BCAS3: variants seen among roughly 807,000 people sequenced by gnomAD.
The protein encoded by BCAS3 is BCAS3 microtubule associated cell migration factor.
A neutral mutation model predicts 116.1 loss-of-function variants in BCAS3; 53 were observed. The observed-to-expected ratio is 0.46, with a 90% CI of 0.37 to 0.57. BCAS3 has a LOEUF of 0.57. Ranked by LOEUF, BCAS3 falls within the 20% of genes least tolerant of loss-of-function variation. BCAS3 has a pLI of 0.00. For synonymous variants in BCAS3, 391 were observed against 408.2 expected (o/e 0.96, Z 0.51); for missense variants, 917 against 1,165.4 (o/e 0.79, Z 3.10).
chr17:61,035,093 T>C (rs1205821601), intron 17 of BCAS3, among the ~76,000 whole-genome samples: 1 of 152,170 alleles, frequency 6.6e-6, no homozygotes, highest in Admixed American at 6.5e-5. Context: ...TTTTACAAGC[T>C]AGTTTCACCC....
chr17:61,334,321 A>C (rs1275542110), intron 22 of BCAS3, among the ~76,000 whole-genome samples: 1 of 152,216 alleles, frequency 6.6e-6, no homozygotes, highest in African/African-American at 2.4e-5. Context: ...CTGAGTTTCA[A>C]TTCTCTCATC....
At chr17:61,070,258 C>T in intron 19 of BCAS3, 1 of 1,489,200 alleles carries the variant, frequency 6.7e-7, no homozygotes, top group South Asian at 1.1e-5. Flanking sequence ...CCTGATTTGG[C>T]CTGATGGAGA....
intron 22 of BCAS3, among the ~76,000 whole-genome samples, chr17:61,133,020 A>C (rs1399553810): frequency 6.6e-6 from 1 of 152,194 alleles, no homozygotes; most frequent in African/African-American, 2.4e-5. Context: ...GGAAAATTTT[A>C]AATCTAATCC....
intron 13 of BCAS3, among the ~76,000 whole-genome samples, chr17:60,936,886 G>A (rs1167738243): frequency 2.6e-5 from 4 of 152,082 alleles, no homozygotes; most frequent in Non-Finnish European, 4.4e-5. Flanking sequence ...TGTCAGTTTT[G>A]GCTTTTGTTG....
chr17:60,940,518 T>C (rs757480470), intron 13 of BCAS3, among the ~76,000 whole-genome samples: 21 of 152,208 alleles, frequency 1.4e-4, no homozygotes, highest in Non-Finnish European at 2.9e-4. Context: ...GCTATGATAT[T>C]ATGATTTGTG....
intron 22 of BCAS3, among the ~76,000 whole-genome samples, chr17:61,280,441 G>A (rs1459994915): frequency 1.3e-5 from 2 of 152,174 alleles, no homozygotes; most frequent in Non-Finnish European, 2.9e-5. Context: ...TTTGTCTTTG[G>A]AGGGGAATGT....
intron 14 of BCAS3, among the ~76,000 whole-genome samples, chr17:60,954,000 C>T (rs554606347): frequency 6.6e-6 from 1 of 152,256 alleles, no homozygotes; most frequent in African/African-American, 2.4e-5. Flanking sequence ...TCCCAAAGTG[C>T]TGGGATTACA....
At chr17:61,264,145 T>G (rs1793017387) in intron 22 of BCAS3, among the ~76,000 whole-genome samples, 1 of 151,950 alleles carries the variant, frequency 6.6e-6, no homozygotes, top group East Asian at 1.9e-4. Context: ...TATATAAAAT[T>G]ATATAGATAT....
At chr17:60,843,438 C>G (rs554891304) in intron 7 of BCAS3, among the ~76,000 whole-genome samples, 1 of 151,992 alleles carries the variant, frequency 6.6e-6, no homozygotes, top group African/African-American at 2.4e-5. Context: ...AGGCTGATCT[C>G]GAACTCCTGA....
rs541885060 is a variant in BCAS3, at chr17:61,189,841, G to A, written c.2425+105277G>A. ...TGATGCACCTATGAGATGACAAAAG[G>A]CAGGTCAGCTGGCCCTGAGTAAAAA... On this transcript the variant is annotated intron_variant, in intron 22 of 23. Transcript: ENST00000407086. The surrounding 1 kb of genome is among the most constrained non-coding windows in gnomAD (Gnocchi z 4.5). Among the ~76,000 whole-genome samples the A allele has an allele frequency of 6.6e-6, 1 of 152,280 alleles. No individual in the cohort carries two copies. The highest frequency in any genetic ancestry group is 1.9e-4 in the East Asian group (1 of 5,190).
intron 23 of BCAS3, among the ~76,000 whole-genome samples, chr17:61,385,441 G>T (rs1403542386): frequency 6.6e-6 from 1 of 152,240 alleles, no homozygotes; most frequent in African/African-American, 2.4e-5. Context: ...TGGTTCATTT[G>T]CTGAACTTAG....
At chr17:60,705,430 G>T (rs1055407991) in intron 4 of BCAS3, among the ~76,000 whole-genome samples, 1 of 151,238 alleles carries the variant, frequency 6.6e-6, no homozygotes, top group South Asian at 2.1e-4. Context: ...CATGAGAATC[G>T]CTTGAGCCTG....
At chr17:60,728,020 G>T (rs1011619870) in intron 5 of BCAS3, among the ~76,000 whole-genome samples, 2 of 151,894 alleles carry the variant, frequency 1.3e-5, no homozygotes, top group African/African-American at 4.8e-5. Flanking sequence ...TGTTACCCAG[G>T]CTGTTCTGGA....
chr17:60,975,417 A>T (rs1340893922), intron 14 of BCAS3, among the ~76,000 whole-genome samples: 1 of 152,238 alleles, frequency 6.6e-6, no homozygotes, highest in Non-Finnish European at 1.5e-5. Flanking sequence ...TAGGACAGCA[A>T]AGGCATCTCT....
chr17:60,760,240 C>G (rs759519294), intron 6 of BCAS3, among the ~76,000 whole-genome samples: 8 of 152,064 alleles, frequency 5.3e-5, no homozygotes, highest in Non-Finnish European at 1.0e-4. Context: ...GTTTGTTTTG[C>G]ATATTCTTTG....
At position 61,212,854 on chromosome 17, in the gene BCAS3, T is replaced by A. The variant is rs191889915; in HGVS notation, c.2425+128290T>A. 1.7e-3 allele frequency among the ~76,000 whole-genome samples: 266 copies of A among 152,280 alleles called. 1 individual carries two copies. The highest frequency in any genetic ancestry group is 5.3e-3 in the African/African-American group (220 of 41,568). ...GATACCCCATTCTTAGACTATAGCA[T>A]TTGGTTAGCATCGTTCCTGTGGGCT... On this transcript the variant is annotated intron_variant, in intron 22 of 23. Coordinates refer to ENST00000407086, the MANE Select transcript of BCAS3 (RefSeq NM_017679.5).
chr17:60,729,791 T>C (rs945893718), intron 5 of BCAS3, among the ~76,000 whole-genome samples: 3 of 152,230 alleles, frequency 2.0e-5, no homozygotes, highest in Admixed American at 2.0e-4. Flanking sequence ...CACTTTTCAA[T>C]TGAACACCTA....
chr17:61,080,916 T>A (rs1433196496), intron 21 of BCAS3, among the ~76,000 whole-genome samples: 4 of 152,240 alleles, frequency 2.6e-5, no homozygotes, highest in African/African-American at 9.6e-5. Context: ...TCCTCCAGCT[T>A]TCTAAAAATG....
chr17:60,999,546 C>CAA (rs1021249439), intron 15 of BCAS3, among the ~76,000 whole-genome samples: 21 of 62,896 alleles, frequency 3.3e-4, no homozygotes, highest in Non-Finnish European at 3.9e-4. Flanking sequence ...GACTGTGTCT[C>CAA]AAAAAAAAAA....
Sources: allele counts gnomAD v4.1 joint callset (sites outside exome capture counted in the v4.1 genomes callset), GRCh38; gene constraint gnomAD v4.1.1; non-coding constraint Gnocchi (gnomAD v3.1); transcripts MANE v1.5; gene names NCBI Gene and HGNC (gene_info 2026-07-23, HGNC 2026-07-21).